The following EVI5 variants were observed in gnomAD, a reference collection of about 807,000 sequenced individuals.
EVI5 encodes the protein ecotropic viral integration site 5, also known as ecotropic viral integration site 5 protein homolog.
In EVI5, 73 loss-of-function variants were observed where a neutral mutation model predicts 112.0. The ratio of observed to expected loss-of-function variants is 0.65; its 90% confidence interval spans 0.54 to 0.79. EVI5 has a LOEUF of 0.79. Among genes scored for constraint, EVI5 ranks in the 30% least tolerant of loss-of-function variants. The pLI is 0.00. For missense variants in EVI5, 900 were observed against 968.8 expected, an observed-to-expected ratio of 0.93 and a Z score of 0.94; for synonymous variants, 305 against 319.9, an observed-to-expected ratio of 0.95 and a Z score of 0.50.
chr1:92,749,616 A>C (rs1004791233), intron 1 of EVI5, among the ~76,000 whole-genome samples: 4 of 151,800 alleles, frequency 2.6e-5, no homozygotes, highest in Non-Finnish European at 5.9e-5. Flanking sequence ...AAATATATGT[A>C]AATAAATATA....
At chr1:92,612,536 C>T (rs1170805468) in intron 16 of EVI5, among the ~76,000 whole-genome samples, 1 of 151,828 alleles carries the variant, frequency 6.6e-6, no homozygotes, top group Non-Finnish European at 1.5e-5. Flanking sequence ...TGGTGAAACC[C>T]CTGTCTCCAC....
intron 18 of EVI5, among the ~76,000 whole-genome samples, chr1:92,590,467 C>T (rs1188403609): frequency 2.0e-5 from 3 of 152,076 alleles, no homozygotes; most frequent in Non-Finnish European, 2.9e-5. Flanking sequence ...ACGTGATGAA[C>T]GCACAAGCCT....
At chr1:92,584,236 C>A (rs1672424477) in intron 18 of EVI5, among the ~76,000 whole-genome samples, 1 of 152,024 alleles carries the variant, frequency 6.6e-6, no homozygotes, top group Non-Finnish European at 1.5e-5. Flanking sequence ...AAAAAGCAAT[C>A]TCTTGATTGT....
chr1:92,595,701 T>C (rs1050505761), intron 18 of EVI5, among the ~76,000 whole-genome samples: 1 of 152,174 alleles, frequency 6.6e-6, no homozygotes, highest in African/African-American at 2.4e-5. Context: ...GGTATATATA[T>C]GTCGGGGTAA....
At chr1:92,780,195 CCT>C (rs1684686084) in intron 1 of EVI5, among the ~76,000 whole-genome samples, 1 of 152,180 alleles carries the variant, frequency 6.6e-6, no homozygotes, top group Non-Finnish European at 1.5e-5. Flanking sequence ...CTCCTGTTCC[CCT>C]GTGAAGAGGT....
chr1:92,606,886 T>A (rs1650507144), intron 17 of EVI5, among the ~76,000 whole-genome samples: 2 of 66,332 alleles, frequency 3.0e-5, no homozygotes, highest in Admixed American at 1.8e-4. Flanking sequence ...TTTAGTTATT[T>A]CACACACACA....
intron 1 of EVI5, among the ~76,000 whole-genome samples, chr1:92,751,809 C>T (rs1056735523): frequency 4.6e-5 from 7 of 152,052 alleles, no homozygotes; most frequent in Admixed American, 2.0e-4. Context: ...CTCAGGAGTT[C>T]GAAACCAGCC....
In EVI5 at chr1:92,607,668, C is replaced by A. The variant is rs760501627; in HGVS notation, c.1887G>T (p.Glu629Asp). The A allele has an allele frequency of 3.7e-6, 6 of 1,606,240 alleles. No homozygotes were observed. In the South Asian group the frequency reaches 6.7e-5, roughly 18 times the overall value. ...RAEQEVISLQ[E>D]KVQYLSAQNK... ...TCTGTGCAGAAAGATACTGCACTTT[C>A]TCCTGTAGGCTAATCACCTCTTGTT... is the stretch of plus-strand genomic sequence containing the variant. Residue 629 changes from glutamate to aspartate, a missense_variant, in exon 17 of 20, where the codon GAG becomes GAT. By Grantham distance (45) the Glu-to-Asp change is conservative (BLOSUM62 2). Transcript: ENST00000684568.
intron 14 of EVI5, among the ~76,000 whole-genome samples, chr1:92,633,778 A>G (rs994559748): frequency 3.3e-5 from 5 of 152,100 alleles, no homozygotes; most frequent in Non-Finnish European, 7.4e-5. Context: ...CCTAGCCTCT[A>G]TGGTCTTTAC....
At chr1:92,520,955 C>CTTCTTCTTCTT (rs1660820610) in intron 19 of EVI5, among the ~76,000 whole-genome samples, 4 of 101,160 alleles carry the variant, frequency 4.0e-5, no homozygotes, top group African/African-American at 1.5e-4. Context: ...TATGAGATTG[C>CTTCTTCTTCTT]TGCTTCTTCT....
At chr1:92,738,311 C>T (rs907832115) in intron 1 of EVI5, among the ~76,000 whole-genome samples, 13 of 152,084 alleles carry the variant, frequency 8.5e-5, no homozygotes, top group African/African-American at 2.9e-4. Context: ...ATCCCCAAAG[C>T]ACACTCTAAT....
intron 1 of EVI5, among the ~76,000 whole-genome samples, chr1:92,791,851 G>A (rs756708280): frequency 1.3e-5 from 2 of 152,102 alleles, no homozygotes; most frequent in Non-Finnish European, 2.9e-5. Flanking sequence ...CAAACACGAC[G>A]GGAGGCAACA....
At position 92,678,402 on chromosome 1, in the gene EVI5, C is replaced by T. The variant is rs372066342; in HGVS notation, c.1098-1184G>A. 2.6e-5 allele frequency among the ~76,000 whole-genome samples: 4 copies of T among 152,026 alleles called. No homozygotes were observed. In the South Asian group the frequency reaches 6.2e-4, roughly 24 times the overall value. ...AAAAATTAGCCAGGTGCGGTGGGTGCATGCCTGTAGTTGCAGGTACTCAGA... is the reference window on the plus strand; with the variant it reads ...AAAAATTAGCCAGGTGCGGTGGGTGTATGCCTGTAGTTGCAGGTACTCAGA... On this transcript the variant is annotated intron_variant, in intron 9 of 19. Transcript: ENST00000684568.
intron 16 of EVI5, among the ~76,000 whole-genome samples, chr1:92,618,604 A>G (rs1653775229): frequency 6.6e-6 from 1 of 152,226 alleles, no homozygotes. Context: ...CAATCCAGGC[A>G]GGACTACAGA....
intron 19 of EVI5, among the ~76,000 whole-genome samples, chr1:92,535,983 C>G (rs1418194367): frequency 6.6e-6 from 1 of 152,074 alleles, no homozygotes; most frequent in African/African-American, 2.4e-5. Flanking sequence ...CATTAATAAG[C>G]AGACAGATGG....
rs749459969 is a variant in EVI5, at chr1:92,697,903, G to A, written c.722C>T (p.Ala241Val). Residue 241 changes from alanine (A) to valine (V), a missense_variant, in exon 6 of 20, where the codon GCA becomes GTA. Ala to Val is a moderately conservative substitution (Grantham distance 64). Coordinates refer to ENST00000684568, the MANE Select transcript of EVI5 (RefSeq NM_001350197.2). The part of the protein sequence containing the change: ...RLRELFKPSM[A>V]ELGLCMYQFE... The stretch of plus-strand genomic sequence containing the variant: ...CTGGTACATACAAAGGCCCAATTCT[G>A]CCATACTTGGTTTAAAAAGTTCACG... 9 of 1,612,482 alleles carry A rather than the reference G, an allele frequency of 5.6e-6. No individual in the cohort carries two copies. In the East Asian group the frequency reaches 2.0e-4, roughly 36 times the overall value.
intron 9 of EVI5, among the ~76,000 whole-genome samples, chr1:92,686,683 C>G (rs1572298553): frequency 1.3e-5 from 2 of 152,210 alleles, no homozygotes; most frequent in African/African-American, 2.4e-5. Flanking sequence ...AGCTGATAAA[C>G]AACTTCAGCA....
intron 14 of EVI5, among the ~76,000 whole-genome samples, chr1:92,627,418 G>C (rs1006756356): frequency 1.3e-5 from 2 of 152,166 alleles, no homozygotes; most frequent in Admixed American, 1.3e-4. Flanking sequence ...TCCACTTGTT[G>C]ATTGATGGGC....
chr1:92,586,991 A>G (rs571140608), intron 18 of EVI5, among the ~76,000 whole-genome samples: 257 of 152,168 alleles, frequency 1.7e-3, no homozygotes, highest in Non-Finnish European at 3.3e-3. Flanking sequence ...AAACTCCCCT[A>G]ATTCTTAACT....
Sources: gnomAD v4.1 joint callset for allele counts (sites outside exome capture counted in the v4.1 genomes callset) on GRCh38, gnomAD v4.1.1 for gene constraint, MANE v1.5 for transcripts, NCBI Gene and HGNC (gene_info 2026-07-23, HGNC 2026-07-21) for gene names.